Variants in WIPF3 observed in about 807,000 individuals in gnomAD.
WIPF3 encodes the protein WAS/WASL-interacting protein family member 3.
WIPF3 carries 33 observed loss-of-function variants against 38.9 expected under a neutral mutation model. That is an observed-to-expected ratio of 0.85 (90% CI 0.64 to 1.14). The LOEUF (loss-of-function observed/expected upper bound fraction) is 1.14. Ranked by LOEUF, WIPF3 falls within the 50% of genes most tolerant of loss-of-function variation. The pLI is 0.00. For synonymous variants in WIPF3, 324 were observed against 269.3 expected, an observed-to-expected ratio of 1.20 and a Z score of -1.99; for missense variants, 711 against 652.5, an observed-to-expected ratio of 1.09 and a Z score of -0.98.
At chr7:29,914,125 G>A (rs940154669) in intron 8 of WIPF3, among the ~76,000 whole-genome samples, 1 of 152,168 alleles carries the variant, frequency 6.6e-6, no homozygotes, top group Non-Finnish European at 1.5e-5. Flanking sequence ...GGGAGCCCTG[G>A]GCTGGAAGTC....
At chr7:29,856,760 A>G (rs1408591291) in intron 2 of WIPF3, among the ~76,000 whole-genome samples, 1 of 152,150 alleles carries the variant, frequency 6.6e-6, no homozygotes, top group Non-Finnish European at 1.5e-5. Flanking sequence ...TGAAAATGGG[A>G]TGATACCCTT....
At chr7:29,889,207 G>A (rs1785955367) in intron 6 of WIPF3, 99 bp from the exon 7 acceptor site, 6 of 934,504 alleles carry the variant, frequency 6.4e-6, no homozygotes, top group Admixed American at 2.0e-5. Flanking sequence ...AACAGAAAAC[G>A]GTGGATGCAG....
chr7:29,889,197 A>G, intron 6 of WIPF3, 109 bp from the exon 7 acceptor site: 1 of 864,144 alleles, frequency 1.2e-6, no homozygotes, highest in Non-Finnish European at 1.9e-6. Context: ...TGAGCAGGCA[A>G]ACAGAAAACG....
intron 7 of WIPF3, among the ~76,000 whole-genome samples, chr7:29,904,061 T>C (rs1228718587): frequency 6.6e-6 from 1 of 152,186 alleles, no homozygotes; most frequent in Non-Finnish European, 1.5e-5. Flanking sequence ...GTGCATTTAT[T>C]TGATGGGCCT....
intron 7 of WIPF3, among the ~76,000 whole-genome samples, chr7:29,890,070 T>C (rs1785972145): frequency 6.6e-6 from 1 of 151,802 alleles, no homozygotes; most frequent in South Asian, 2.1e-4. Flanking sequence ...GCCTTAAGAG[T>C]AGAAAGATGA....
At chr7:29,868,916 A>G (rs962642457) in intron 2 of WIPF3, among the ~76,000 whole-genome samples, 2 of 152,178 alleles carry the variant, frequency 1.3e-5, no homozygotes, top group Non-Finnish European at 2.9e-5. Context: ...TGTGTGGTGC[A>G]TTACTGACTG....
intron 1 of WIPF3, among the ~76,000 whole-genome samples, chr7:29,820,144 T>C (rs546342707): frequency 4.5e-4 from 69 of 152,102 alleles, no homozygotes; most frequent in Non-Finnish European, 8.5e-4. Context: ...TTGAATAATA[T>C]CCTATAGCTT....
chr7:29,892,201 T>G (rs971328327), intron 7 of WIPF3, among the ~76,000 whole-genome samples: 3 of 152,192 alleles, frequency 2.0e-5, no homozygotes, highest in Admixed American at 6.5e-5. Context: ...GCAGCAGGAC[T>G]CACACATGAG....
intron 1 of WIPF3, among the ~76,000 whole-genome samples, chr7:29,812,471 TG>T (rs1357253506): frequency 1.3e-5 from 2 of 152,226 alleles, no homozygotes; most frequent in East Asian, 3.8e-4. Context: ...ACGATATGGC[TG>T]CAGTATCTCT....
intron 7 of WIPF3, among the ~76,000 whole-genome samples, chr7:29,902,265 C>CTTTTTTTTTTTTTTTTTTTTT (rs141174377): frequency 4.3e-5 from 5 of 116,448 alleles, no homozygotes; most frequent in Non-Finnish European, 5.3e-5. Context: ...TTTTCTTCTT[C>CTTTTTTTTTTTTTTTTTTTTT]TTCTTCTTCT....
chr7:29,840,547 C>T (rs1268149168), intron 2 of WIPF3, among the ~76,000 whole-genome samples: 1 of 152,124 alleles, frequency 6.6e-6, no homozygotes, highest in African/African-American at 2.4e-5. Context: ...TGAATGAATA[C>T]ATGAATGAAT....
At chr7:29,845,900 A>G (rs78304992) in intron 2 of WIPF3, among the ~76,000 whole-genome samples, 1,952 of 152,350 alleles carry the variant, frequency 0.013, 49 homozygotes, top group African/African-American at 0.045. Flanking sequence ...CTATGAGCTA[A>G]CCAACCACGA....
chr7:29,858,897 G>C (rs1785231374), intron 2 of WIPF3, among the ~76,000 whole-genome samples: 1 of 152,152 alleles, frequency 6.6e-6, no homozygotes, highest in Admixed American at 6.5e-5. Flanking sequence ...AGCTCCCACT[G>C]TATTTTTCAC....
intron 4 of WIPF3, among the ~76,000 whole-genome samples, chr7:29,882,255 TTTTGTAAAC>T (rs1199942282): frequency 1.5e-4 from 23 of 152,344 alleles, no homozygotes; most frequent in Admixed American, 6.5e-4. Context: ...CTTTGCTCTG[TTTTGTAAAC>T]TTTCATTATC....
chr7:29,876,865 C>T (rs1300870901), intron 3 of WIPF3, among the ~76,000 whole-genome samples: 1 of 152,134 alleles, frequency 6.6e-6, no homozygotes. Flanking sequence ...TCTGGTTCTG[C>T]AACCAGACAA....
At chr7:29,824,286 G>A (rs547470968) in intron 1 of WIPF3, among the ~76,000 whole-genome samples, 36 of 152,300 alleles carry the variant, frequency 2.4e-4, no homozygotes, top group South Asian at 1.5e-3. Flanking sequence ...TCTAGCCTGG[G>A]TGACAGAGCG....
At chr7:29,812,762 A>G (rs953279595) in intron 1 of WIPF3, among the ~76,000 whole-genome samples, 1 of 152,198 alleles carries the variant, frequency 6.6e-6, no homozygotes, top group Admixed American at 6.5e-5. Context: ...TTGAGTAGGC[A>G]GCTAGCAGTA....
At chr7:29,888,271 C>T in intron 6 of WIPF3, 54 bp downstream of exon 6, 3 of 1,553,864 alleles carry the variant, frequency 1.9e-6, no homozygotes, top group East Asian at 2.4e-5. Flanking sequence ...AGTGATTCTC[C>T]CAACCTCTGG....
intron 2 of WIPF3, among the ~76,000 whole-genome samples, chr7:29,840,400 T>C (rs1784894967): frequency 6.6e-6 from 1 of 152,216 alleles, no homozygotes; most frequent in African/African-American, 2.4e-5. Flanking sequence ...TACTGGCTTT[T>C]ATATCTTTTA....
Sources: allele counts gnomAD v4.1 joint callset (sites outside exome capture counted in the v4.1 genomes callset), GRCh38; gene constraint gnomAD v4.1.1; transcripts MANE v1.5; gene names NCBI Gene and HGNC (gene_info 2026-07-23, HGNC 2026-07-21).